Variants in TM4SF20 observed in about 807,000 individuals in gnomAD.
The protein encoded by TM4SF20 is transmembrane 4 L6 family member 20.
TM4SF20 carries 13 observed loss-of-function variants against 15.1 expected under a neutral mutation model. That is an observed-to-expected ratio of 0.86 (90% CI 0.56 to 1.36). The LOEUF (loss-of-function observed/expected upper bound fraction) is 1.36. Among genes scored for constraint, TM4SF20 ranks in the 40% most tolerant of loss-of-function variants. TM4SF20 has a pLI of 0.00. For missense variants in TM4SF20, 282 were observed against 268.4 expected (o/e 1.05, Z -0.35); for synonymous variants, 92 against 96.6 (o/e 0.95, Z 0.28).
chr2:227,370,349 T>A (rs778884896), intron 2 of TM4SF20, among the ~76,000 whole-genome samples: 16 of 151,944 alleles, frequency 1.1e-4, no homozygotes, highest in Admixed American at 9.8e-4. Context: ...AACCTTTAGA[T>A]TGAGGAAAGG....
rs2076421123 is a variant in TM4SF20 at position 227,371,501 on chromosome 2, TG to T, written c.184-522del. The stretch of plus-strand genomic sequence containing the variant: ...GACCACAGGTGTAGACCACCACACC[TG>T]GCTAATTTTAAAAATATTTTTGTAG... On this transcript the variant is annotated intron_variant, in intron 1 of 3. Transcript: ENST00000304568. Among the ~76,000 whole-genome samples, 3 of 152,122 alleles carry T rather than the reference TG, an allele frequency of 2.0e-5. No homozygotes were observed. The South Asian group carries it at 6.2e-4, about 31-fold the overall frequency.
upstream of TM4SF20, among the ~76,000 whole-genome samples, chr2:227,380,560 C>T (rs2076475041): frequency 6.6e-6 from 1 of 152,178 alleles, no homozygotes; most frequent in Admixed American, 6.5e-5. Flanking sequence ...CTTCTGTTCA[C>T]ATTTCATTGG....
chr2:227,364,925 T>A (rs1032427975), intron 3 of TM4SF20, among the ~76,000 whole-genome samples: 1 of 152,212 alleles, frequency 6.6e-6, no homozygotes, highest in Non-Finnish European at 1.5e-5. Flanking sequence ...TTGGCTTTGT[T>A]TTTGAGACAC....
At chr2:227,364,383 A>T (rs1473878314) in intron 3 of TM4SF20, among the ~76,000 whole-genome samples, 2 of 143,442 alleles carry the variant, frequency 1.4e-5, no homozygotes, top group African/African-American at 2.8e-5. Flanking sequence ...AGCCTCCCCT[A>T]CCCCCCGCCA....
upstream of TM4SF20, among the ~76,000 whole-genome samples, chr2:227,380,098 G>A (rs34562252): frequency 1.3e-5 from 2 of 152,200 alleles, no homozygotes; most frequent in African/African-American, 4.8e-5. Context: ...GGAGGCCAAA[G>A]CGAGAGGATC....
At chr2:227,364,034 T>G in intron 3 of TM4SF20, 22 bp from the exon 4 acceptor site, 1 of 1,594,206 alleles carries the variant, frequency 6.3e-7, no homozygotes, top group South Asian at 1.1e-5. Context: ...AAGATAAAAA[T>G]CAGATATTCA....
At position 227,362,782 on chromosome 2, in the gene TM4SF20, T is replaced by G. The variant is rs1465441056; in HGVS notation, c.*942A>C. 1 of 152,210 alleles carries G rather than the reference T, an allele frequency of 6.6e-6. No individual in the cohort carries two copies. Among genetic ancestry groups the G allele is most frequent in the African/African-American group, 2.4e-5 (1 of 41,454 alleles). 9.4% of individuals were successfully genotyped at this position (152,210 alleles called of 1,614,324 possible). A position where few individuals can be genotyped will look rare whatever the true frequency, so the allele number is the denominator to read the frequency against. ...TGTGAAAGCCAAAACACTTCTGATC[T>G]TAATCATTTTGGATAAGGGGTACTC... is the stretch of plus-strand genomic sequence containing the variant. On this transcript the variant is annotated 3_prime_UTR_variant, in exon 4 of 4. Coordinates refer to ENST00000304568, the MANE Select transcript of TM4SF20 (RefSeq NM_024795.4).
intron 1 of TM4SF20, among the ~76,000 whole-genome samples, chr2:227,372,774 G>A (rs1045498817): frequency 5.3e-5 from 8 of 152,054 alleles, no homozygotes; most frequent in African/African-American, 9.7e-5. Context: ...GCATGATCAC[G>A]GTTCACTGCA....
At chr2:227,375,773 G>A (rs1259971770) in intron 1 of TM4SF20, among the ~76,000 whole-genome samples, 6 of 152,156 alleles carry the variant, frequency 3.9e-5, no homozygotes, top group East Asian at 3.9e-4. Flanking sequence ...ACAGACATGA[G>A]CCACCGTGCC....
At chr2:227,370,587 A>G (rs181254546) in intron 2 of TM4SF20, among the ~76,000 whole-genome samples, 1 of 151,960 alleles carries the variant, frequency 6.6e-6, no homozygotes, top group African/African-American at 2.4e-5. Context: ...TGAAACCCCC[A>G]TCTCTACTAA....
chr2:227,374,389 C>G (rs774277810), intron 1 of TM4SF20, among the ~76,000 whole-genome samples: 3 of 152,018 alleles, frequency 2.0e-5, no homozygotes, highest in Non-Finnish European at 4.4e-5. Flanking sequence ...ATTCAGAGCT[C>G]CGGAAATTGG....
intron 1 of TM4SF20, among the ~76,000 whole-genome samples, chr2:227,373,500 A>G (rs1163902544): frequency 6.6e-6 from 1 of 152,216 alleles, no homozygotes; most frequent in African/African-American, 2.4e-5. Context: ...CTTACAGGAC[A>G]AATCATTTAG....
chr2:227,377,113 A>C (rs1261109871), intron 1 of TM4SF20, among the ~76,000 whole-genome samples: 1 of 143,394 alleles, frequency 7.0e-6, no homozygotes, highest in East Asian at 2.2e-4. Flanking sequence ...GACTCCTTTA[A>C]TGCTAATACA....
upstream of TM4SF20, chr2:227,381,446 T>TA (rs1307759752): frequency 6.6e-6 from 1 of 151,810 alleles, no homozygotes; most frequent in Non-Finnish European, 1.5e-5. Context: ...AAAAAATATA[T>TA]TTTTTATTTT....
chr2:227,375,026 A>C (rs976825230), intron 1 of TM4SF20, among the ~76,000 whole-genome samples: 4 of 151,802 alleles, frequency 2.6e-5, no homozygotes, highest in African/African-American at 9.7e-5. Context: ...CTCTGGGTAC[A>C]AGTGATTCTC....
At chr2:227,378,824 C>G (rs531435837) in intron 1 of TM4SF20, among the ~76,000 whole-genome samples, 4 of 152,326 alleles carry the variant, frequency 2.6e-5, no homozygotes, top group Admixed American at 2.0e-4. Flanking sequence ...CCTACCTGTA[C>G]AGAAATGTGA....
At chr2:227,371,041 T>A in intron 1 of TM4SF20, 61 bp from the exon 2 acceptor site, 1 of 1,395,438 alleles carries the variant, frequency 7.2e-7, no homozygotes, top group Non-Finnish European at 1.0e-6. Flanking sequence ...GAAAAAATAG[T>A]AATCTTCACC....
At chr2:227,377,666 C>T (rs1192015477) in intron 1 of TM4SF20, among the ~76,000 whole-genome samples, 2 of 152,136 alleles carry the variant, frequency 1.3e-5, no homozygotes, top group Admixed American at 6.6e-5. Flanking sequence ...AGATCATGAC[C>T]TTTGCAGGGA....
intron 3 of TM4SF20, 117 bp downstream of exon 3, chr2:227,365,976 C>T (rs1050513132): frequency 1.7e-5 from 18 of 1,038,320 alleles, no homozygotes; most frequent in Middle Eastern, 2.5e-4. Context: ...CCTAAGAATC[C>T]GTTTGTCCCG....
Sources: allele counts gnomAD v4.1 joint callset (sites outside exome capture counted in the v4.1 genomes callset), GRCh38; gene constraint gnomAD v4.1.1; transcripts MANE v1.5; gene names NCBI Gene and HGNC (gene_info 2026-07-23, HGNC 2026-07-21).